TMPRSS11D: variants seen among roughly 807,000 people sequenced by gnomAD.
TMPRSS11D encodes transmembrane serine protease 11D, also known as transmembrane protease serine 11D.
A neutral mutation model predicts 44.4 loss-of-function variants in TMPRSS11D; 32 were observed. The observed-to-expected ratio is 0.72, with a 90% CI of 0.54 to 0.97. TMPRSS11D has a LOEUF of 0.97. Ranked by LOEUF, TMPRSS11D falls within the 50% of genes least tolerant of loss-of-function variation. The probability of loss-of-function intolerance (pLI) is 0.00; values close to 1 mark genes in which losing one functional copy is unlikely to be tolerated. For synonymous variants in TMPRSS11D, 179 were observed against 177.9 expected (o/e 1.01, Z -0.05); for missense variants, 446 against 502.6 (o/e 0.89, Z 1.08).
At chr4:67,875,826 GTAAATCAAA>G in intron 1 of TMPRSS11D, among the ~76,000 whole-genome samples, 1 of 152,264 alleles carries the variant, frequency 6.6e-6, no homozygotes, top group Admixed American at 6.5e-5. Context: ...TCAGTGGTTG[GTAAATCAAA>G]TAAATGAAAG....
At chr4:67,840,091 A>G (rs183941513) in intron 4 of TMPRSS11D, among the ~76,000 whole-genome samples, 3 of 151,756 alleles carry the variant, frequency 2.0e-5, no homozygotes, top group African/African-American at 7.3e-5. Flanking sequence ...TAGGTTGTAC[A>G]GGGTCCCAAG....
In TMPRSS11D at chr4:67,854,165, C is replaced by A; in HGVS notation, c.152G>T (p.Arg51Met). The A allele has an allele frequency of 6.4e-7, 1 of 1,565,146 alleles. No homozygotes were observed. The highest frequency in any genetic ancestry group is 8.7e-7 in the Non-Finnish European group (1 of 1,150,730). The change falls in exon 3 of 10, where the codon AGG (arginine) becomes ATG (methionine). Residue 51 changes from arginine to methionine, a missense_variant. Transcript: ENST00000283916. ...LAFDQKSYFYRSSFQLLNVEY... is the reference protein window; with the variant it reads ...LAFDQKSYFYMSSFQLLNVEY... ...AACATTTAGGAGTTGAAAACTGCTCCTATAAAAGTAAGATTTTTGATCTGA... is the reference window on the plus strand; with the variant it reads ...AACATTTAGGAGTTGAAAACTGCTCATATAAAAGTAAGATTTTTGATCTGA...
At chr4:67,861,483 A>G (rs1560546523) in intron 1 of TMPRSS11D, among the ~76,000 whole-genome samples, 1 of 152,236 alleles carries the variant, frequency 6.6e-6, no homozygotes, top group East Asian at 1.9e-4. Flanking sequence ...GAAATCTCAA[A>G]TTGTTCCTTT....
At chr4:67,850,518 G>A (rs1015319700) in intron 3 of TMPRSS11D, among the ~76,000 whole-genome samples, 12 of 152,078 alleles carry the variant, frequency 7.9e-5, no homozygotes, top group Admixed American at 7.2e-4. Flanking sequence ...GGAAGTCCAA[G>A]GGATGTTAAG....
intron 7 of TMPRSS11D, among the ~76,000 whole-genome samples, 170 bp from the exon 8 acceptor site, chr4:67,827,690 C>G (rs1406356239): frequency 6.6e-6 from 1 of 151,890 alleles, no homozygotes; most frequent in Non-Finnish European, 1.5e-5. Flanking sequence ...CTTCACTGGC[C>G]GAATACATGG....
intron 2 of TMPRSS11D, among the ~76,000 whole-genome samples, chr4:67,858,729 G>A (rs1313027279): frequency 6.6e-6 from 1 of 151,790 alleles, no homozygotes; most frequent in African/African-American, 2.4e-5. Context: ...AATTATATTT[G>A]AAATAAAAAT....
chr4:67,822,253 C>A lies in TMPRSS11D; in HGVS notation c.*84G>T. The A allele has an allele frequency of 4.2e-6, 6 of 1,436,016 alleles. No individual in the cohort carries two copies. Among genetic ancestry groups the A allele is most frequent in the Non-Finnish European group, 5.7e-6 (6 of 1,044,922 alleles). 89.0% of individuals were successfully genotyped at this position (1,436,016 alleles called of 1,614,324 possible). On this transcript the variant is annotated 3_prime_UTR_variant, in exon 10 of 10. Coordinates refer to ENST00000283916, the MANE Select transcript of TMPRSS11D (RefSeq NM_004262.3). ...TGTTAAATTAGGACATTTCTAGTTT[C>A]TTTTTCAGTTGAAATGTAAAGCTTT...
chr4:67,828,598 T>C (rs578173847), intron 7 of TMPRSS11D, among the ~76,000 whole-genome samples: 5 of 152,260 alleles, frequency 3.3e-5, no homozygotes, highest in African/African-American at 4.8e-5. Context: ...AACTTTCTAC[T>C]TGATGGATGC....
intron 5 of TMPRSS11D, 131 bp downstream of exon 5, chr4:67,838,041 T>C: frequency 1.3e-6 from 1 of 743,310 alleles, no homozygotes; most frequent in Non-Finnish European, 2.0e-6. Flanking sequence ...TATATTTAGC[T>C]TTTTAATGGA....
intron 4 of TMPRSS11D, 49 bp downstream of exon 4, chr4:67,842,509 A>G: frequency 6.8e-7 from 1 of 1,474,036 alleles, no homozygotes. Flanking sequence ...AAAGTCAAGT[A>G]TGCCACATTG....
chr4:67,882,372 T>G (rs1270664951), intron 1 of TMPRSS11D, among the ~76,000 whole-genome samples: 1 of 152,166 alleles, frequency 6.6e-6, no homozygotes, highest in Non-Finnish European at 1.5e-5. Flanking sequence ...ATTAAAGAGA[T>G]AAAATATTCC....
Position 67,883,951 on chromosome 4 carries a change from A to T in TMPRSS11D, c.-18T>A, listed in dbSNP as rs754821290. ...CTATACATTTTAATCCTTAATGAAG[A>T]GGTTCTTTTTTCTGCCTACTCAACT... On this transcript the variant is annotated 5_prime_UTR_variant, in exon 1 of 10. Transcript: ENST00000283916. 6.2e-7 allele frequency: 1 copy of T among 1,601,052 alleles called. No individual in the cohort carries two copies.
At chr4:67,827,829 C>T (rs750173599) in intron 7 of TMPRSS11D, among the ~76,000 whole-genome samples, 2 of 152,026 alleles carry the variant, frequency 1.3e-5, no homozygotes, top group Non-Finnish European at 2.9e-5. Context: ...TCTTTGATTT[C>T]TCTTTTGTCC....
At chr4:67,857,322 TACAC>T (rs140893348) in intron 2 of TMPRSS11D, among the ~76,000 whole-genome samples, 3 of 3,434 alleles carry the variant, frequency 8.7e-4, no homozygotes, top group African/African-American at 1.1e-3. Flanking sequence ...TATATATATA[TACAC>T]ACACACACAC....
intron 7 of TMPRSS11D, among the ~76,000 whole-genome samples, chr4:67,831,483 A>G: frequency 6.6e-6 from 1 of 152,030 alleles, no homozygotes; most frequent in Admixed American, 6.6e-5. Flanking sequence ...ATCGTTGTCG[A>G]TATTTATAAC....
chr4:67,835,800 A>G (rs1383610624), intron 5 of TMPRSS11D, among the ~76,000 whole-genome samples: 1 of 152,204 alleles, frequency 6.6e-6, no homozygotes, highest in African/African-American at 2.4e-5. Flanking sequence ...TAGAAGGTAC[A>G]GTGGGCACAA....
intron 7 of TMPRSS11D, among the ~76,000 whole-genome samples, chr4:67,832,998 T>C (rs1378545129): frequency 1.3e-5 from 2 of 152,190 alleles, no homozygotes; most frequent in Admixed American, 6.5e-5. Context: ...TGTGCTAATA[T>C]ATTATTACCT....
chr4:67,855,038 C>T (rs577327312), intron 2 of TMPRSS11D, among the ~76,000 whole-genome samples: 7 of 152,052 alleles, frequency 4.6e-5, no homozygotes, highest in South Asian at 2.1e-4. Context: ...GGGTGGATCA[C>T]GAGGTCCGGA....
intron 3 of TMPRSS11D, 65 bp from the exon 4 acceptor site, chr4:67,842,690 C>T: frequency 7.0e-7 from 1 of 1,426,484 alleles, no homozygotes; most frequent in South Asian, 1.2e-5. Context: ...TCCTCTCAAC[C>T]TTGCAACATG....
Sources: gnomAD v4.1 joint callset for allele counts (sites outside exome capture counted in the v4.1 genomes callset) on GRCh38, gnomAD v4.1.1 for gene constraint, MANE v1.5 for transcripts, NCBI Gene and HGNC (gene_info 2026-07-23, HGNC 2026-07-21) for gene names.